The following DLG2 variants were observed in gnomAD, a reference collection of about 807,000 sequenced individuals.
The protein encoded by DLG2 is discs large MAGUK scaffold protein 2.
Under a neutral mutation model 132.5 loss-of-function variants are expected in DLG2, and 45 were observed. The observed-to-expected ratio is 0.34, with a 90% CI of 0.27 to 0.44. DLG2 has a LOEUF of 0.44. Ranked by LOEUF, DLG2 falls within the 20% of genes least tolerant of loss-of-function variation. The pLI is 1.00. For missense variants in DLG2, 1,045 were observed against 1,196.9 expected (o/e 0.87, Z 1.87); for synonymous variants, 424 against 419.6 (o/e 1.01, Z -0.13).
At chr11:85,490,554 T>A (rs1422855096) in intron 3 of DLG2, among the ~76,000 whole-genome samples, 1 of 151,384 alleles carries the variant, frequency 6.6e-6, no homozygotes, top group Non-Finnish European at 1.5e-5. Flanking sequence ...TGAGCTAGAA[T>A]AACCAACAAA....
chr11:83,887,030 T>C (rs1342365788), intron 15 of DLG2, among the ~76,000 whole-genome samples: 1 of 151,812 alleles, frequency 6.6e-6, no homozygotes. Flanking sequence ...AACATCACAA[T>C]TAAAAGAACT....
intron 8 of DLG2, among the ~76,000 whole-genome samples, chr11:84,189,758 G>C (rs1490457780): frequency 6.6e-6 from 1 of 152,132 alleles, no homozygotes; most frequent in African/African-American, 2.4e-5. Flanking sequence ...ATTTGTAAGT[G>C]GGAGCTGAAT....
At chr11:84,035,714 T>C (rs2095847254) in intron 11 of DLG2, among the ~76,000 whole-genome samples, 2 of 151,938 alleles carry the variant, frequency 1.3e-5, no homozygotes, top group Non-Finnish European at 2.9e-5. Context: ...AAAATATTAC[T>C]CAAGCTGTTG....
chr11:84,321,845 A>G (rs143726304), intron 7 of DLG2, among the ~76,000 whole-genome samples: 6 of 152,312 alleles, frequency 3.9e-5, no homozygotes, highest in Non-Finnish European at 8.8e-5. Flanking sequence ...TTCAACTTGC[A>G]TATCATCACC....
At chr11:84,315,655 A>G (rs1275025697) in intron 7 of DLG2, among the ~76,000 whole-genome samples, 1 of 152,178 alleles carries the variant, frequency 6.6e-6, no homozygotes, top group African/African-American at 2.4e-5. Flanking sequence ...TAATAATAAA[A>G]TGGTAATGTA....
At chr11:83,685,148 T>C (rs890439742) in intron 18 of DLG2, among the ~76,000 whole-genome samples, 1 of 152,180 alleles carries the variant, frequency 6.6e-6, no homozygotes, top group Non-Finnish European at 1.5e-5. Context: ...GGACTCTGGC[T>C]AGAAAGGTTA....
intron 15 of DLG2, among the ~76,000 whole-genome samples, chr11:83,905,067 C>A (rs148808914): frequency 1.3e-5 from 2 of 152,228 alleles, no homozygotes; most frequent in Non-Finnish European, 2.9e-5. Context: ...TCATCCCATG[C>A]ATTTAGGATA....
chr11:85,580,538 T>C lies in DLG2; in HGVS notation c.40+18119A>G, dbSNP rs575832113. ...CACTTATTGAGCATTTATTATGTGC[T>C]AGGCACAGTGAGAAATGCAATACAC... On this transcript the variant is annotated intron_variant, in intron 3 of 27. Coordinates refer to ENST00000376104, the MANE Select transcript of DLG2 (RefSeq NM_001142699.3). Among the ~76,000 whole-genome samples the C allele has an allele frequency of 9.2e-5, 14 of 152,376 alleles. 1 individual carries two copies. Among genetic ancestry groups the C allele is most frequent in the African/African-American group, 3.1e-4 (13 of 41,598 alleles).
intron 16 of DLG2, among the ~76,000 whole-genome samples, chr11:83,848,383 T>G (rs2059050130): frequency 6.6e-6 from 1 of 152,194 alleles, no homozygotes; most frequent in Non-Finnish European, 1.5e-5. Flanking sequence ...ATCCACTAAT[T>G]CATATCTCTA....
chr11:85,198,999 T>C (rs2081259134), intron 4 of DLG2, among the ~76,000 whole-genome samples: 1 of 152,200 alleles, frequency 6.6e-6, no homozygotes, highest in Non-Finnish European at 1.5e-5. Context: ...TTTGGAGAAC[T>C]AGTTGGCAGT....
intron 2 of DLG2, chr11:85,625,012 T>A (rs1195840292): frequency 1.3e-5 from 2 of 152,232 alleles, no homozygotes; most frequent in Non-Finnish European, 2.9e-5. Flanking sequence ...TTATGGGGTT[T>A]AGAAACATTA....
intron 14 of DLG2, among the ~76,000 whole-genome samples, chr11:83,939,688 G>A (rs1221796184): frequency 6.7e-6 from 1 of 149,496 alleles, no homozygotes; most frequent in African/African-American, 2.5e-5. Flanking sequence ...TAAAGCTTTG[G>A]GTTTTAAAAT....
At chr11:83,904,205 G>C (rs1223886876) in intron 15 of DLG2, among the ~76,000 whole-genome samples, 1 of 152,152 alleles carries the variant, frequency 6.6e-6, no homozygotes, top group Non-Finnish European at 1.5e-5. Flanking sequence ...GGGCAGGATA[G>C]TGAGAGATTT....
chr11:85,355,377 T>C (rs1035828206), intron 3 of DLG2, among the ~76,000 whole-genome samples: 5 of 152,146 alleles, frequency 3.3e-5, no homozygotes, highest in Non-Finnish European at 7.4e-5. Flanking sequence ...TATATTTTAC[T>C]TTCTTTTTTC....
intron 6 of DLG2, among the ~76,000 whole-genome samples, chr11:85,103,336 A>G (rs1344455061): frequency 2.6e-5 from 4 of 151,940 alleles, no homozygotes; most frequent in Non-Finnish European, 4.4e-5. Context: ...GGCGTCTCAC[A>G]CTACCAAATT....
chr11:85,130,065 G>A (rs940339354), intron 5 of DLG2, among the ~76,000 whole-genome samples: 16 of 152,090 alleles, frequency 1.1e-4, no homozygotes, highest in Admixed American at 9.8e-4. Flanking sequence ...GAGGGGTGGG[G>A]GGCAAGAGGA....
intron 6 of DLG2, among the ~76,000 whole-genome samples, chr11:85,057,634 A>T (rs1402213864): frequency 6.6e-6 from 1 of 151,642 alleles, no homozygotes; most frequent in Non-Finnish European, 1.5e-5. Flanking sequence ...GCAAAAGATA[A>T]ATCATTTCCC....
chr11:84,746,885 G>C (rs1299902212), intron 6 of DLG2, among the ~76,000 whole-genome samples: 3 of 152,102 alleles, frequency 2.0e-5, no homozygotes, highest in Non-Finnish European at 1.5e-5. Context: ...GGCAGTTCTA[G>C]ACTTCACCTC....
At chr11:84,448,371 C>G (rs1272475605) in intron 7 of DLG2, among the ~76,000 whole-genome samples, 1 of 151,940 alleles carries the variant, frequency 6.6e-6, no homozygotes, top group African/African-American at 2.4e-5. Flanking sequence ...TGTATTAGTC[C>G]ATGACATTTA....
Sources: allele counts gnomAD v4.1 joint callset (sites outside exome capture counted in the v4.1 genomes callset), GRCh38; gene constraint gnomAD v4.1.1; transcripts MANE v1.5; gene names NCBI Gene and HGNC (gene_info 2026-07-23, HGNC 2026-07-21).